SAMD12: variants seen among roughly 807,000 people sequenced by gnomAD.
SAMD12 encodes sterile alpha motif domain containing 12, also known as sterile alpha motif domain-containing protein 12.
In SAMD12, 9 loss-of-function variants were observed where a neutral mutation model predicts 15.0. The ratio of observed to expected loss-of-function variants is 0.60; its 90% CI spans 0.36 to 1.05. The LOEUF (loss-of-function observed/expected upper bound fraction) is 1.05. SAMD12 is among the 50% of genes least tolerant of loss of function. SAMD12 has a pLI of 0.01. For synonymous variants in SAMD12, 86 were observed against 90.1 expected, an observed-to-expected ratio of 0.96 and a Z score of 0.25; for missense variants, 230 against 234.2, an observed-to-expected ratio of 0.98 and a Z score of 0.12.
Position 118,305,913 on chromosome 8 carries a change from T to A in SAMD12, c.433+73647A>T, listed in dbSNP as rs562828633. On this transcript the variant is annotated intron_variant, in intron 4 of 4. Transcript: ENST00000409003. ...ACAGAAGAGGGAATATCCCTCTCTA[T>A]ATATCACTTTGCTTCTGGTGGCGTC... Among the ~76,000 whole-genome samples the A allele has an allele frequency of 6.2e-4, 94 of 152,236 alleles. 1 individual carries two copies. The highest frequency in any genetic ancestry group is 2.2e-3 in the African/African-American group (93 of 41,544).
chr8:118,210,846 C>T (rs1811797145), intron 4 of SAMD12, among the ~76,000 whole-genome samples: 1 of 152,182 alleles, frequency 6.6e-6, no homozygotes, highest in African/African-American at 2.4e-5. Context: ...TCTCTCAAAG[C>T]CTATCTCTCC....
At chr8:118,614,712 C>G (rs1328759780) in intron 1 of SAMD12, among the ~76,000 whole-genome samples, 2 of 152,236 alleles carry the variant, frequency 1.3e-5, no homozygotes, top group Non-Finnish European at 2.9e-5. Context: ...CCCCAGCACT[C>G]TGGGAAGGAG....
intron 2 of SAMD12, among the ~76,000 whole-genome samples, chr8:118,556,168 A>G (rs376838107): frequency 6.6e-6 from 1 of 152,246 alleles, no homozygotes; most frequent in Admixed American, 6.5e-5. Context: ...AAATGTAAGG[A>G]ACAGAAATCT....
chr8:118,280,180 T>G (rs549229086), intron 4 of SAMD12, among the ~76,000 whole-genome samples: 40 of 152,376 alleles, frequency 2.6e-4, no homozygotes, highest in Non-Finnish European at 4.9e-4. Flanking sequence ...TTTCTTTAGC[T>G]GACCAAGGAA....
chr8:118,246,857 T>C (rs1056903551), intron 4 of SAMD12, among the ~76,000 whole-genome samples: 1 of 152,036 alleles, frequency 6.6e-6, no homozygotes, highest in Non-Finnish European at 1.5e-5. Flanking sequence ...GTGTAGAGGT[T>C]CAAAGGCAGA....
intron 2 of SAMD12, among the ~76,000 whole-genome samples, chr8:118,472,434 C>G (rs972122646): frequency 7.2e-5 from 11 of 152,114 alleles, no homozygotes; most frequent in Non-Finnish European, 1.2e-4. Flanking sequence ...TGCCTCTAAA[C>G]CCTTGGCTTT....
intron 4 of SAMD12, among the ~76,000 whole-genome samples, chr8:118,270,301 C>T (rs1813323534): frequency 6.6e-6 from 1 of 152,146 alleles, no homozygotes. Flanking sequence ...ATATAATCAC[C>T]TAGAATCAGA....
At chr8:118,406,899 T>C (rs1251431876) in intron 3 of SAMD12, among the ~76,000 whole-genome samples, 1 of 151,730 alleles carries the variant, frequency 6.6e-6, no homozygotes, top group Non-Finnish European at 1.5e-5. Flanking sequence ...ATTGTGTGTG[T>C]GTGTGTGTGT....
the SAMD12 span, among the ~76,000 whole-genome samples, chr8:118,151,831 A>G: frequency 1.4e-5 from 1 of 71,816 alleles, no homozygotes; most frequent in Non-Finnish European, 4.1e-5. Context: ...CTCTGTCTCA[A>G]AAAAAAAGAA....
At chr8:118,334,783 G>C (rs1430469268) in intron 4 of SAMD12, among the ~76,000 whole-genome samples, 1 of 152,070 alleles carries the variant, frequency 6.6e-6, no homozygotes, top group Non-Finnish European at 1.5e-5. Context: ...TTTTAGCAGA[G>C]ATTGGGATTC....
chr8:118,321,298 TTTTTTTTTTTTGG>T (rs1425419851), intron 4 of SAMD12, among the ~76,000 whole-genome samples: 96 of 53,954 alleles, frequency 1.8e-3, no homozygotes, highest in African/African-American at 5.6e-3. Context: ...TTTTTTTGTT[TTTTTTTTTTTTGG>T]TTTTTTTTTA....
intron 3 of SAMD12, among the ~76,000 whole-genome samples, chr8:118,408,336 T>C (rs952561009): frequency 6.6e-6 from 1 of 152,186 alleles, no homozygotes; most frequent in African/African-American, 2.4e-5. Context: ...TATCCTCACC[T>C]AGACGTCAAA....
At chr8:118,507,893 C>T (rs1586772630) in intron 2 of SAMD12, among the ~76,000 whole-genome samples, 1 of 151,872 alleles carries the variant, frequency 6.6e-6, no homozygotes, top group African/African-American at 2.4e-5. Flanking sequence ...TCCCCAGTAC[C>T]CTGAGGGAGG....
chr8:118,542,959 A>C (rs61459669), intron 2 of SAMD12, among the ~76,000 whole-genome samples: 9,722 of 152,136 alleles, frequency 0.064, 1,070 homozygotes, highest in African/African-American at 0.22. Flanking sequence ...CATAGACATA[A>C]AAGAGGGAAT....
intron 2 of SAMD12, among the ~76,000 whole-genome samples, chr8:118,464,722 C>T (rs373434387): frequency 4.1e-5 from 6 of 148,054 alleles, no homozygotes; most frequent in African/African-American, 1.5e-4. Context: ...AAATTCAACT[C>T]TTTTTTTTTT....
intron 4 of SAMD12, among the ~76,000 whole-genome samples, chr8:118,342,586 G>A (rs2130554021): frequency 6.6e-6 from 1 of 152,330 alleles, no homozygotes; most frequent in South Asian, 2.1e-4. Context: ...AGAAATGTAA[G>A]ATGACGATGG....
intron 2 of SAMD12, among the ~76,000 whole-genome samples, chr8:118,474,697 G>A (rs1823904599): frequency 6.6e-6 from 1 of 151,846 alleles, no homozygotes; most frequent in Non-Finnish European, 1.5e-5. Flanking sequence ...TTAAAACAAT[G>A]TTTTAAATGT....
chr8:118,222,904 A>G (rs1266751025), intron 4 of SAMD12, among the ~76,000 whole-genome samples: 1 of 152,202 alleles, frequency 6.6e-6, no homozygotes, highest in African/African-American at 2.4e-5. Context: ...AGAGCATGGG[A>G]CAGGTCAAAT....
At chr8:118,260,783 T>A (rs1334406864) in intron 4 of SAMD12, among the ~76,000 whole-genome samples, 1 of 152,080 alleles carries the variant, frequency 6.6e-6, no homozygotes, top group Non-Finnish European at 1.5e-5. Flanking sequence ...CTGGTCTCTC[T>A]CCAGGTCGAA....
Sources: gnomAD v4.1 joint callset for allele counts (sites outside exome capture counted in the v4.1 genomes callset) on GRCh38, gnomAD v4.1.1 for gene constraint, MANE v1.5 for transcripts, NCBI Gene and HGNC (gene_info 2026-07-23, HGNC 2026-07-21) for gene names.